Variants in RNF150 observed in about 807,000 individuals in gnomAD.
RNF150 encodes ring finger protein 150.
In RNF150, 24 loss-of-function variants were observed where a neutral mutation model predicts 39.3. The ratio of observed to expected loss-of-function variants is 0.61; its 90% CI spans 0.44 to 0.86. The LOEUF (loss-of-function observed/expected upper bound fraction) is 0.86. Among genes scored for constraint, RNF150 ranks in the 40% least tolerant of loss-of-function variants. The pLI is 0.00. For synonymous variants in RNF150, 255 were observed against 227.3 expected (o/e 1.12, Z -1.10); for missense variants, 502 against 587.8 (o/e 0.85, Z 1.51).
At chr4:140,951,428 C>T (rs1354746143) in intron 2 of RNF150, among the ~76,000 whole-genome samples, 15 of 152,060 alleles carry the variant, frequency 9.9e-5, no homozygotes, top group East Asian at 3.9e-4. Flanking sequence ...CACATGTGTG[C>T]GCATACACAC....
intron 1 of RNF150, among the ~76,000 whole-genome samples, chr4:141,052,962 T>C (rs552489595): frequency 6.6e-6 from 1 of 152,302 alleles, no homozygotes; most frequent in South Asian, 2.1e-4. Flanking sequence ...CTCTCAGACA[T>C]GTACATGGCT....
intron 1 of RNF150, among the ~76,000 whole-genome samples, chr4:141,212,195 C>CAGGG (rs987893875): frequency 2.0e-5 from 3 of 152,124 alleles, no homozygotes; most frequent in African/African-American, 7.2e-5. Context: ...AAACCATGAG[C>CAGGG]AGGGGGCTGT....
At position 140,869,043 on chromosome 4, in the gene RNF150, C is replaced by G. The variant is rs113665716; in HGVS notation, c.1199-664G>C. Among the ~76,000 whole-genome samples, 16 of 152,252 alleles carry G rather than the reference C, an allele frequency of 1.1e-4. 1 individual carries two copies. Among genetic ancestry groups the G allele is most frequent in the African/African-American group, 3.8e-4 (16 of 41,568 alleles). On this transcript the variant is annotated intron_variant, in intron 6 of 6. Transcript: ENST00000515673. ...TGCATATAGAACTGTAAAATTTTCA[C>G]TCAGTAATTTCATTTCCAGGATGTA... is the stretch of plus-strand genomic sequence containing the variant.
chr4:140,922,036 GCATTC>G (rs1731176438), intron 5 of RNF150, among the ~76,000 whole-genome samples: 1 of 102,058 alleles, frequency 9.8e-6, no homozygotes, highest in South Asian at 4.4e-4. Context: ...AAAACTGGAA[GCATTC>G]CCTTTGAAAA....
chr4:141,094,486 A>C (rs1238501923), intron 1 of RNF150, among the ~76,000 whole-genome samples: 1 of 152,278 alleles, frequency 6.6e-6, no homozygotes, highest in Non-Finnish European at 1.5e-5. Flanking sequence ...AATAGTAAAT[A>C]TTTAAGGTTT....
chr4:141,120,747 T>C (rs766418872), intron 1 of RNF150, among the ~76,000 whole-genome samples: 8 of 151,972 alleles, frequency 5.3e-5, no homozygotes, highest in Non-Finnish European at 1.2e-4. Flanking sequence ...AGGGACTGGA[T>C]TGGAAGCAGA....
At chr4:140,873,604 T>A (rs1457028237) in intron 6 of RNF150, among the ~76,000 whole-genome samples, 1 of 152,204 alleles carries the variant, frequency 6.6e-6, no homozygotes, top group Non-Finnish European at 1.5e-5. Flanking sequence ...TCCCAAGTCA[T>A]CTCATTCTCT....
intron 1 of RNF150, among the ~76,000 whole-genome samples, chr4:141,178,775 G>A (rs1278510214): frequency 1.4e-5 from 2 of 145,726 alleles, no homozygotes; most frequent in African/African-American, 5.6e-5. Context: ...GTTCAATATT[G>A]TTCATGTTGA....
At chr4:140,892,698 G>C (rs149516713) in intron 6 of RNF150, among the ~76,000 whole-genome samples, 2 of 136,506 alleles carry the variant, frequency 1.5e-5, no homozygotes, top group African/African-American at 7.5e-5. Flanking sequence ...GAGGGATGTC[G>C]GCGACTTCTT....
chr4:141,189,056 C>T (rs578113948), intron 1 of RNF150, among the ~76,000 whole-genome samples: 18 of 152,310 alleles, frequency 1.2e-4, no homozygotes, highest in African/African-American at 2.9e-4. Flanking sequence ...ACCTTTGGAT[C>T]GGGTTTTTGC....
At chr4:141,153,350 T>C (rs535819371) in intron 1 of RNF150, among the ~76,000 whole-genome samples, 7 of 152,244 alleles carry the variant, frequency 4.6e-5, no homozygotes, top group Admixed American at 4.6e-4. Context: ...TGGGTCTTAA[T>C]CCAGTTTCGC....
At chr4:140,872,884 G>GC (rs1729003861) in intron 6 of RNF150, among the ~76,000 whole-genome samples, 2 of 152,188 alleles carry the variant, frequency 1.3e-5, no homozygotes, top group South Asian at 4.1e-4. Context: ...TAGAGGAGAG[G>GC]CCATGACTCT....
At chr4:140,915,143 C>T (rs1338241027) in intron 5 of RNF150, among the ~76,000 whole-genome samples, 3 of 152,030 alleles carry the variant, frequency 2.0e-5, no homozygotes. Flanking sequence ...TTTATTGAGC[C>T]CTTAGCATAA....
upstream of RNF150, among the ~76,000 whole-genome samples, chr4:141,137,823 A>G (rs185315262): frequency 6.6e-6 from 1 of 152,346 alleles, no homozygotes; most frequent in Admixed American, 6.5e-5. Flanking sequence ...TTTTTAAAAT[A>G]TACCCAGAAG....
intron 1 of RNF150, among the ~76,000 whole-genome samples, chr4:140,995,978 G>T (rs1281786513): frequency 1.4e-4 from 21 of 151,936 alleles, no homozygotes; most frequent in East Asian, 7.7e-4. Context: ...TTCCTTTTTT[G>T]GGGGGGTATA....
chr4:140,938,492 AGGCTATG>A (rs1203317652), intron 4 of RNF150, among the ~76,000 whole-genome samples: 13 of 152,282 alleles, frequency 8.5e-5, no homozygotes, highest in Non-Finnish European at 1.8e-4. Context: ...AGAAGCAAGG[AGGCTATG>A]AACTACCAGG....
At chr4:141,055,454 GT>G (rs1362234551) in intron 1 of RNF150, among the ~76,000 whole-genome samples, 2 of 152,000 alleles carry the variant, frequency 1.3e-5, no homozygotes, top group Non-Finnish European at 2.9e-5. Context: ...AATTCTTTTT[GT>G]TTTTTGGAAG....
intron 5 of RNF150, among the ~76,000 whole-genome samples, chr4:140,919,263 A>G (rs1392657824): frequency 1.4e-5 from 2 of 144,606 alleles, no homozygotes; most frequent in Non-Finnish European, 3.0e-5. Flanking sequence ...TTTGCAGATG[A>G]CATGATTGTA....
At chr4:140,975,309 A>T (rs77552543) in intron 1 of RNF150, among the ~76,000 whole-genome samples, 2,615 of 152,246 alleles carry the variant, frequency 0.017, 65 homozygotes, top group African/African-American at 0.059. Flanking sequence ...AAACCTAGCT[A>T]TACGAAAGGC....
Sources: gnomAD v4.1 joint callset for allele counts (sites outside exome capture counted in the v4.1 genomes callset) on GRCh38, gnomAD v4.1.1 for gene constraint, MANE v1.5 for transcripts, NCBI Gene and HGNC (gene_info 2026-07-23, HGNC 2026-07-21) for gene names.